POTEE: variants seen among roughly 807,000 people sequenced by gnomAD.
POTEE encodes ANKRD26-like family C member 1A.
POTEE carries 21 observed loss-of-function variants against 74.2 expected under a neutral mutation model. The observed-to-expected ratio is 0.28, with a 90% confidence interval of 0.20 to 0.41. POTEE has a LOEUF of 0.41. Ranked by LOEUF, POTEE falls within the 10% of genes least tolerant of loss-of-function variation. POTEE has a pLI of 1.00. For missense variants in POTEE, 525 were observed against 1,158.6 expected (o/e 0.45, Z 7.94); for synonymous variants, 211 against 432.8 (o/e 0.49, Z 6.36).
chr2:131,212,570 C>CTTTCTTTT (rs1307944011), intron 2 of POTEE, among the ~76,000 whole-genome samples: 7 of 26,776 alleles, frequency 2.6e-4, no homozygotes, highest in Admixed American at 1.6e-3. Context: ...TGTTTTCTTT[C>CTTTCTTTT]TTTTTTTTTT....
intron 16 of POTEE, among the ~76,000 whole-genome samples, chr2:131,260,651 G>C (rs1701680058): frequency 6.8e-6 from 1 of 147,362 alleles, no homozygotes; most frequent in African/African-American, 2.6e-5. Flanking sequence ...CTACTGATTG[G>C]TATTCATTTA....
intron 2 of POTEE, among the ~76,000 whole-genome samples, 173 bp from the exon 3 acceptor site, chr2:131,217,416 G>C (rs1258765113): frequency 9.2e-6 from 1 of 108,880 alleles, no homozygotes; most frequent in African/African-American, 3.6e-5. Flanking sequence ...GCGATTTTGA[G>C]GCCATTTGCA....
chr2:131,220,478 A>G (rs573778800), intron 4 of POTEE, among the ~76,000 whole-genome samples: 1 of 151,292 alleles, frequency 6.6e-6, no homozygotes, highest in Non-Finnish European at 1.5e-5. Flanking sequence ...TGCTGGGGTT[A>G]CAGGCGTGAG....
intron 1 of POTEE, among the ~76,000 whole-genome samples, chr2:131,210,268 C>T (rs1317212007): frequency 1.3e-5 from 1 of 77,606 alleles, no homozygotes; most frequent in Non-Finnish European, 2.4e-5. Flanking sequence ...TCTTGTGCAG[C>T]AACACCTGTG....
chr2:131,218,825 C>G lies in POTEE; in HGVS notation c.423C>G (p.Asp141Glu), dbSNP rs200423211. 202 of 1,612,786 alleles carry G rather than the reference C, an allele frequency of 1.3e-4. No individual in the cohort carries two copies. The highest frequency in any genetic ancestry group is 2.0e-4 in the Middle Eastern group (1 of 5,054). Residue 141 changes from aspartate to glutamate, a missense_variant, in exon 4 of 18, where the codon GAC becomes GAG. Physicochemically the swap from Asp to Glu is conservative, Grantham distance 45 (BLOSUM62 2). Coordinates refer to ENST00000683005, the MANE Select transcript of POTEE (RefSeq NM_001083538.3). ...ACCACGTCCGTGGAGAAGATCTGGACAAGCTCCACAGAGCTGCCTGGTGGG... is the reference window on the plus strand; with the variant it reads ...ACCACGTCCGTGGAGAAGATCTGGAGAAGCTCCACAGAGCTGCCTGGTGGG... Reference protein sequence around the residue: ...PRYHVRGEDLDKLHRAAWWGK... With the variant: ...PRYHVRGEDLEKLHRAAWWGK...
intron 8 of POTEE, chr2:131,229,649 G>A (rs565517523): frequency 1.3e-5 from 2 of 152,272 alleles, no homozygotes; most frequent in African/African-American, 2.4e-5. Flanking sequence ...GGAACAATAC[G>A]GGGAAAGTTA....
chr2:131,223,605 A>G lies in POTEE; in HGVS notation c.531A>G (p.Leu177=). ...CTTGTCACTCTCATAGGACTGCTCT[A>G]CATCTGGCCTCTGCCAATGGGAATT... ...NKKDKQKRTA[L]HLASANGNSE... Residue 177 remains leucine, a synonymous_variant, in exon 5 of 18, where the codon CTA becomes CTG. Coordinates refer to ENST00000683005, the MANE Select transcript of POTEE (RefSeq NM_001083538.3). The G allele has an allele frequency of 6.2e-7, 1 of 1,612,430 alleles. No homozygotes were observed. The highest frequency in any genetic ancestry group is 8.5e-7 in the Non-Finnish European group (1 of 1,179,830).
Position 131,209,609 on chromosome 2 carries a change from C to T in POTEE, c.-555C>T, listed in dbSNP as rs1334913159. Among the ~76,000 whole-genome samples, 1 of 152,228 alleles carries T rather than the reference C, an allele frequency of 6.6e-6. No homozygotes were observed. The highest frequency in any genetic ancestry group is 1.5e-5 in the Non-Finnish European group (1 of 68,046). ...CTGTTTCTGGCTGGAGCCTCGGACACTGGCTCACTGCAGTTGGTGGTGTCC... is the reference window on the plus strand; with the variant it reads ...CTGTTTCTGGCTGGAGCCTCGGACATTGGCTCACTGCAGTTGGTGGTGTCC... On this transcript the variant is annotated 5_prime_UTR_variant, in exon 1 of 18. Coordinates refer to ENST00000683005, the MANE Select transcript of POTEE (RefSeq NM_001083538.3).
In POTEE at chr2:131,225,178, C is replaced by A. The variant is rs1330211618; in HGVS notation, c.810+1135C>A. ...AACCTGAGGAAAATGTTTAAATAAT[C>A]AACAAGTCTAGGCTTTTTCTGAATA... On this transcript the variant is annotated intron_variant, in intron 6 of 17. Transcript: ENST00000683005. Among the ~76,000 whole-genome samples the A allele has an allele frequency of 4.9e-5, 7 of 144,138 alleles. No individual in the cohort carries two copies. In the East Asian group the frequency reaches 8.2e-4, roughly 17 times the overall value. The allele number at this position is 144,138 out of a possible 152,430, so 94.6% of individuals were successfully genotyped here. A position where few individuals can be genotyped will look rare whatever the true frequency, so the allele number is the denominator to read the frequency against.
chr2:131,233,400 T>C (rs921602060), intron 9 of POTEE, among the ~76,000 whole-genome samples: 1 of 152,098 alleles, frequency 6.6e-6, no homozygotes, highest in African/African-American at 2.4e-5. Context: ...GGATTTGGCC[T>C]GTGGCCTATA....
intron 16 of POTEE, among the ~76,000 whole-genome samples, chr2:131,258,758 G>T: frequency 1.5e-4 from 1 of 6,846 alleles, no homozygotes; most frequent in Non-Finnish European, 3.2e-4. Flanking sequence ...TTAAAAATAA[G>T]GATAACCACC....
At chr2:131,258,600 A>G (rs1701625889) in intron 16 of POTEE, among the ~76,000 whole-genome samples, 1 of 152,174 alleles carries the variant, frequency 6.6e-6, no homozygotes, top group African/African-American at 2.4e-5. Context: ...AGTTGTTAAC[A>G]ATTTTCTGCT....
chr2:131,211,597 G>A (rs550202959), intron 2 of POTEE, among the ~76,000 whole-genome samples: 1 of 123,608 alleles, frequency 8.1e-6, no homozygotes, highest in East Asian at 2.7e-4. Flanking sequence ...CTTTTGCCCA[G>A]GCTGGAGTGC....
At chr2:131,212,634 G>A (rs1267764512) in intron 2 of POTEE, among the ~76,000 whole-genome samples, 5 of 141,524 alleles carry the variant, frequency 3.5e-5, no homozygotes, top group Non-Finnish European at 7.6e-5. Context: ...GGGCGATCTC[G>A]GCTCACTGCA....
At chr2:131,210,491 G>C (rs1297883824) in intron 1 of POTEE, among the ~76,000 whole-genome samples, 1 of 151,786 alleles carries the variant, frequency 6.6e-6, no homozygotes, top group Non-Finnish European at 1.5e-5. Context: ...GGTGGGGACA[G>C]CAACAGCCAT....
At chr2:131,209,966 G>A (rs1485267349) in intron 1 of POTEE, among the ~76,000 whole-genome samples, 147 bp downstream of exon 1, 6 of 132,556 alleles carry the variant, frequency 4.5e-5, no homozygotes, top group South Asian at 5.4e-4. Flanking sequence ...GGAGGGGGGC[G>A]GTTTTGGCTG....
intron 9 of POTEE, among the ~76,000 whole-genome samples, chr2:131,236,023 C>G (rs374029591): frequency 6.6e-6 from 1 of 151,976 alleles, no homozygotes; most frequent in East Asian, 1.9e-4. Context: ...GATTTGCATC[C>G]GAAAGCTGAG....
intron 17 of POTEE, among the ~76,000 whole-genome samples, chr2:131,262,249 A>AG: frequency 8.3e-6 from 1 of 120,874 alleles, no homozygotes; most frequent in African/African-American, 2.7e-5. Context: ...GCTGGGTCAG[A>AG]GGCCACATTG....
Position 131,263,836 on chromosome 2 carries a change from T to C in POTEE, c.2381T>C (p.Leu794Pro). ...TGGCACCACACCTTCTACAACGAGC[T>C]GCGTGTGGCTCCCGAGGAGCACCCC... is the stretch of plus-strand genomic sequence containing the variant. ...KIWHHTFYNE[L>P]RVAPEEHPIL... The change falls in exon 18 of 18, where the codon CTG becomes CCG. Residue 794 changes from leucine to proline, a missense_variant. Transcript: ENST00000683005. 1 of 1,614,152 alleles carries C rather than the reference T, an allele frequency of 6.2e-7. No individual in the cohort carries two copies. The highest frequency in any genetic ancestry group is 8.5e-7 in the Non-Finnish European group (1 of 1,180,020).
Sources: allele counts gnomAD v4.1 joint callset (sites outside exome capture counted in the v4.1 genomes callset), GRCh38; gene constraint gnomAD v4.1.1; transcripts MANE v1.5; gene names NCBI Gene and HGNC (gene_info 2026-07-23, HGNC 2026-07-21).